GALNT14: variants seen among roughly 807,000 people sequenced by gnomAD.
GALNT14 encodes polypeptide N-acetylgalactosaminyltransferase 14, also known as UDP-GalNAc:polypeptide N-acetylgalactosaminyltransferase 14.
In GALNT14, 60 loss-of-function variants were observed where a neutral mutation model predicts 77.5. The observed-to-expected ratio is 0.77, with a 90% confidence interval of 0.63 to 0.96. The LOEUF is 0.96. Among genes scored for constraint, GALNT14 ranks in the 40% least tolerant of loss-of-function variants. The pLI, the probability that GALNT14 is intolerant of heterozygous loss-of-function variation, is 0.00. For synonymous variants in GALNT14, 280 were observed against 281.7 expected (o/e 0.99, Z 0.06); for missense variants, 710 against 731.0 (o/e 0.97, Z 0.33).
chr2:30,998,633 T>C (rs1670179915), intron 1 of GALNT14, among the ~76,000 whole-genome samples: 1 of 152,218 alleles, frequency 6.6e-6, no homozygotes, highest in Admixed American at 6.5e-5. Context: ...ACTATTTACA[T>C]TTAATATTCA....
chr2:30,897,596 G>T, the GALNT14 span, among the ~76,000 whole-genome samples: 2 of 152,176 alleles, frequency 1.3e-5, no homozygotes, highest in Admixed American at 1.3e-4. Flanking sequence ...AGCTTCTGGG[G>T]GTGCTGAGCC....
intron 1 of GALNT14, among the ~76,000 whole-genome samples, chr2:31,020,447 G>A (rs932121849): frequency 6.6e-6 from 1 of 152,320 alleles, no homozygotes; most frequent in East Asian, 1.9e-4. Context: ...GAAAGTCAGA[G>A]CACCCTCTCT....
intron 1 of GALNT14, among the ~76,000 whole-genome samples, chr2:30,998,359 C>A (rs369547657): frequency 2.6e-5 from 4 of 152,136 alleles, no homozygotes; most frequent in Non-Finnish European, 5.9e-5. Flanking sequence ...CCTGGTGTAT[C>A]CCTCCCTTCT....
intron 1 of GALNT14, among the ~76,000 whole-genome samples, chr2:31,089,232 T>C (rs1409686598): frequency 2.0e-5 from 3 of 152,172 alleles, no homozygotes; most frequent in Non-Finnish European, 4.4e-5. Flanking sequence ...TTAGCTCGTC[T>C]CATTGTTTGA....
intron 9 of GALNT14, among the ~76,000 whole-genome samples, chr2:30,933,267 T>C (rs1665852368): frequency 6.6e-6 from 1 of 152,174 alleles, no homozygotes; most frequent in Non-Finnish European, 1.5e-5. Flanking sequence ...ACTGGGCCTG[T>C]CACTGGTAGA....
At chr2:31,102,754 G>A (rs944060626) in intron 1 of GALNT14, among the ~76,000 whole-genome samples, 4 of 151,988 alleles carry the variant, frequency 2.6e-5, no homozygotes, top group South Asian at 2.1e-4. Flanking sequence ...AAAGTGATCC[G>A]TTACCAGCGT....
At chr2:30,907,213 G>A (rs1487135855), downstream of GALNT14, among the ~76,000 whole-genome samples, 1 of 152,172 alleles carries the variant, frequency 6.6e-6, no homozygotes, top group East Asian at 1.9e-4. Context: ...TAAGATCGGA[G>A]CAGAACTGAA....
intron 2 of GALNT14, among the ~76,000 whole-genome samples, chr2:30,990,883 C>G (rs942257986): frequency 6.6e-6 from 1 of 152,186 alleles, no homozygotes; most frequent in Non-Finnish European, 1.5e-5. Context: ...TAAATTCTGT[C>G]TAAATCCTCT....
the GALNT14 span, among the ~76,000 whole-genome samples, chr2:30,888,714 A>G: frequency 6.6e-6 from 1 of 152,180 alleles, no homozygotes; most frequent in South Asian, 2.1e-4. Flanking sequence ...ATTGGCAGGC[A>G]ACTAGGCACA....
chr2:31,135,330 C>T (rs1573397896), intron 1 of GALNT14, among the ~76,000 whole-genome samples: 1 of 152,178 alleles, frequency 6.6e-6, no homozygotes, highest in Non-Finnish European at 1.5e-5. Context: ...AGCCAGGTTT[C>T]GGTACCACTG....
intron 1 of GALNT14, among the ~76,000 whole-genome samples, chr2:31,031,509 G>A (rs916629157): frequency 3.3e-5 from 5 of 152,046 alleles, no homozygotes; most frequent in South Asian, 2.1e-4. Context: ...GCATGGCCAT[G>A]CAAATCCTTT....
chr2:30,957,233 A>G (rs1266361544), intron 4 of GALNT14, among the ~76,000 whole-genome samples: 4 of 152,200 alleles, frequency 2.6e-5, no homozygotes, highest in Non-Finnish European at 5.9e-5. Flanking sequence ...ATGTGTTAAC[A>G]TGTTTAATCC....
At chr2:31,019,611 G>C (rs1002707574) in intron 1 of GALNT14, among the ~76,000 whole-genome samples, 3 of 152,182 alleles carry the variant, frequency 2.0e-5, no homozygotes, top group African/African-American at 4.8e-5. Flanking sequence ...GTCCCAGGGG[G>C]AACCAGGGTT....
chr2:30,986,064 C>A (rs1350644810), intron 2 of GALNT14, among the ~76,000 whole-genome samples: 1 of 152,160 alleles, frequency 6.6e-6, no homozygotes, highest in Non-Finnish European at 1.5e-5. Context: ...CCCTTCATTT[C>A]CCAGGAGGAA....
chr2:30,929,586 C>T, intron 10 of GALNT14, 99 bp from the exon 11 acceptor site: 1 of 838,980 alleles, frequency 1.2e-6, no homozygotes, highest in African/African-American at 1.7e-5. Flanking sequence ...GAGTTGGCAA[C>T]ACCACCTAGG....
At chr2:31,097,255 C>T (rs1311083117) in intron 1 of GALNT14, among the ~76,000 whole-genome samples, 1 of 152,100 alleles carries the variant, frequency 6.6e-6, no homozygotes, top group East Asian at 1.9e-4. Flanking sequence ...AAGGAGATTA[C>T]TTGAAAGTCT....
chr2:31,118,664 T>C (rs1481883819), intron 1 of GALNT14, among the ~76,000 whole-genome samples: 1 of 152,180 alleles, frequency 6.6e-6, no homozygotes, highest in Non-Finnish European at 1.5e-5. Context: ...GTCCTTATAC[T>C]GCCACGGCAT....
At position 30,921,970 on chromosome 2, in the gene GALNT14, T is replaced by C. The variant is rs935471820; in HGVS notation, c.1380+2149A>G. Among the ~76,000 whole-genome samples the C allele has an allele frequency of 2.0e-5, 3 of 152,100 alleles. No homozygotes were observed. The East Asian group carries it at 5.8e-4, about 29-fold the overall frequency. Reference sequence around the variant, plus strand: ...GTGCTGAGATTAAGGAATGCTGATCTAGCATGAAGAAGTGAACATGGGATC... The same window carrying C: ...GTGCTGAGATTAAGGAATGCTGATCCAGCATGAAGAAGTGAACATGGGATC... On this transcript the variant is annotated intron_variant, in intron 13 of 14. Coordinates refer to ENST00000349752, the MANE Select transcript of GALNT14 (RefSeq NM_024572.4).
chr2:30,925,756 A>G (rs1457324326), intron 11 of GALNT14, among the ~76,000 whole-genome samples: 2 of 152,220 alleles, frequency 1.3e-5, no homozygotes, highest in Non-Finnish European at 2.9e-5. Context: ...ACTTGTTTAA[A>G]GGGCACTGGG....
Sources: gnomAD v4.1 joint callset for allele counts (sites outside exome capture counted in the v4.1 genomes callset) on GRCh38, gnomAD v4.1.1 for gene constraint, MANE v1.5 for transcripts, NCBI Gene and HGNC (gene_info 2026-07-23, HGNC 2026-07-21) for gene names.